Variants in PBK observed in about 807,000 individuals in gnomAD.
The protein encoded by PBK is lymphokine-activated killer T-cell-originated protein kinase.
PBK carries 22 observed loss-of-function variants against 33.5 expected under a neutral mutation model. The ratio of observed to expected loss-of-function variants is 0.66; its 90% CI spans 0.47 to 0.94. The LOEUF is 0.94. Ranked by LOEUF, PBK falls within the 40% of genes least tolerant of loss-of-function variation. The pLI is 0.00. For missense variants in PBK, 376 were observed against 383.4 expected, an observed-to-expected ratio of 0.98 and a Z score of 0.16; for synonymous variants, 129 against 123.8, an observed-to-expected ratio of 1.04 and a Z score of -0.28.
At chr8:27,831,724 G>A (rs187964578) in intron 2 of PBK, among the ~76,000 whole-genome samples, 17 of 152,084 alleles carry the variant, frequency 1.1e-4, no homozygotes, top group Admixed American at 7.8e-4. Context: ...GGTTAATAAG[G>A]GTGTATCAAG....
At chr8:27,819,511 TG>T (rs1429260477) in intron 6 of PBK, among the ~76,000 whole-genome samples, 4 of 152,160 alleles carry the variant, frequency 2.6e-5, no homozygotes, top group African/African-American at 9.6e-5. Flanking sequence ...TTGGAGTTTT[TG>T]TTTCCTATTT....
intron 6 of PBK, among the ~76,000 whole-genome samples, chr8:27,812,957 A>G (rs1415312338): frequency 2.0e-5 from 3 of 152,232 alleles, no homozygotes; most frequent in African/African-American, 7.2e-5. Flanking sequence ...TGACCCAGCA[A>G]TCCCATTACT....
chr8:27,818,271 T>C (rs939864157), intron 6 of PBK, among the ~76,000 whole-genome samples: 2 of 152,262 alleles, frequency 1.3e-5, no homozygotes, highest in East Asian at 1.9e-4. Flanking sequence ...TTCTACTTAG[T>C]GTATGAGAGG....
chr8:27,815,354 A>G (rs1320772377), intron 6 of PBK, among the ~76,000 whole-genome samples: 2 of 152,224 alleles, frequency 1.3e-5, no homozygotes, highest in African/African-American at 4.8e-5. Context: ...GAGGGTACCC[A>G]GTACCAGCAG....
intron 5 of PBK, 33 bp downstream of exon 5, chr8:27,822,284 AAC>A: frequency 7.0e-7 from 1 of 1,420,438 alleles, no homozygotes; most frequent in Non-Finnish European, 9.7e-7. Flanking sequence ...TATGAACAAA[AAC>A]AGAAGTCATT....
intron 6 of PBK, among the ~76,000 whole-genome samples, chr8:27,816,343 C>CTTATA (rs1554559818): frequency 8.1e-5 from 11 of 136,370 alleles, no homozygotes; most frequent in African/African-American, 3.2e-4. Context: ...TCATCGAATA[C>CTTATA]TATATATATA....
At chr8:27,820,462 T>C (rs1805898306) in intron 6 of PBK, 103 bp downstream of exon 6, 2 of 748,934 alleles carry the variant, frequency 2.7e-6, no homozygotes, top group Admixed American at 2.5e-5. Context: ...ACCATATACT[T>C]TTTAAAAATA....
intron 3 of PBK, among the ~76,000 whole-genome samples, chr8:27,825,469 G>A (rs1430385897): frequency 4.6e-5 from 7 of 151,988 alleles, no homozygotes; most frequent in Non-Finnish European, 1.0e-4. Flanking sequence ...AGGTGGACTC[G>A]TAGATACCCT....
In PBK at chr8:27,810,333, ATG is replaced by A. The variant is rs1490462019; in HGVS notation, c.939_940del (p.Ile314CysfsTer2). ...GACATCTGTTTCCAGAGCTTCAACAATGTGTGCAGCAGAAGGACGATCTTTAG... is the reference window on the plus strand; with the variant it reads ...GACATCTGTTTCCAGAGCTTCAACAATGTGCAGCAGAAGGACGATCTTTAG... On this transcript the variant is annotated frameshift_variant, in exon 8 of 8. Transcript: ENST00000301905. LOFTEE classifies it high-confidence loss of function. 1 of 1,612,642 alleles carries A rather than the reference ATG, an allele frequency of 6.2e-7. No homozygotes were observed. The highest frequency in any genetic ancestry group is 2.2e-5 in the East Asian group (1 of 44,866).
intron 3 of PBK, among the ~76,000 whole-genome samples, chr8:27,825,510 A>G (rs1563493391): frequency 6.6e-6 from 1 of 151,696 alleles, no homozygotes; most frequent in African/African-American, 2.4e-5. Context: ...GCAGCTGCCC[A>G]CCCCCCTTCC....
At chr8:27,832,966 C>T (rs1000182774) in intron 2 of PBK, 90 bp downstream of exon 2, 23 of 715,942 alleles carry the variant, frequency 3.2e-5, no homozygotes, top group Non-Finnish European at 4.8e-5. Context: ...TCTAAGTGAC[C>T]GATAATAAAG....
intron 5 of PBK, 128 bp from the exon 6 acceptor site, chr8:27,820,822 AAATT>A (rs1398992080): frequency 7.5e-6 from 3 of 399,852 alleles, no homozygotes; most frequent in African/African-American, 7.3e-5. Context: ...CAGCGTTTCA[AAATT>A]TTTTTTTTTT....
At chr8:27,816,535 C>T (rs1373741226) in intron 6 of PBK, among the ~76,000 whole-genome samples, 2 of 151,492 alleles carry the variant, frequency 1.3e-5, no homozygotes, top group African/African-American at 4.9e-5. Context: ...CGCCACCACG[C>T]CTGGTTAATT....
intron 6 of PBK, among the ~76,000 whole-genome samples, chr8:27,817,682 T>G (rs1328927795): frequency 6.6e-6 from 1 of 152,160 alleles, no homozygotes; most frequent in Non-Finnish European, 1.5e-5. Flanking sequence ...CTTTGGACTG[T>G]GTTCTTAAGA....
chr8:27,823,480 G>GA (rs1333234173), intron 3 of PBK, among the ~76,000 whole-genome samples: 3 of 151,874 alleles, frequency 2.0e-5, no homozygotes, highest in Admixed American at 2.0e-4. Context: ...CTTTAAACCT[G>GA]AAAATTGTAA....
At chr8:27,828,289 T>C (rs1806065951) in intron 2 of PBK, 91 bp from the exon 3 acceptor site, 1 of 561,638 alleles carries the variant, frequency 1.8e-6, no homozygotes, top group Non-Finnish European at 3.1e-6. Flanking sequence ...AGAGTATTAA[T>C]TGGCACAGTC....
chr8:27,820,435 A>AG (rs1262080567), intron 6 of PBK, 130 bp downstream of exon 6: 65 of 603,756 alleles, frequency 1.1e-4, no homozygotes, highest in Non-Finnish European at 1.6e-4. Flanking sequence ...GAGAGAGAGA[A>AG]AAAAAGGGGA....
At chr8:27,834,884 A>C (rs1806199374) in intron 1 of PBK, among the ~76,000 whole-genome samples, 1 of 151,992 alleles carries the variant, frequency 6.6e-6, no homozygotes, top group Non-Finnish European at 1.5e-5. Context: ...CAAAAGAGCA[A>C]GATTCCATCT....
intron 2 of PBK, among the ~76,000 whole-genome samples, chr8:27,831,506 A>G (rs1563495758): frequency 6.6e-6 from 1 of 152,204 alleles, no homozygotes; most frequent in Non-Finnish European, 1.5e-5. Context: ...TTCTCTCATA[A>G]TTAATATAAA....
Sources: allele counts gnomAD v4.1 joint callset (sites outside exome capture counted in the v4.1 genomes callset), GRCh38; gene constraint gnomAD v4.1.1; transcripts MANE v1.5; gene names NCBI Gene and HGNC (gene_info 2026-07-23, HGNC 2026-07-21).